The following RAPGEF6 variants were observed in gnomAD, a reference collection of about 807,000 sequenced individuals.
RAPGEF6 encodes PDZ domain containing guanine nucleotide exchange factor (GEF) 2.
Under a neutral mutation model 171.4 loss-of-function variants are expected in RAPGEF6, and 56 were observed. The ratio of observed to expected loss-of-function variants is 0.33; its 90% CI spans 0.26 to 0.41. The LOEUF (loss-of-function observed/expected upper bound fraction) is 0.41, where lower values mean the gene tolerates loss of function less well. RAPGEF6 is among the 10% of genes least tolerant of loss of function. The pLI is 1.00. For synonymous variants in RAPGEF6, 692 were observed against 650.1 expected, an observed-to-expected ratio of 1.06 and a Z score of -0.98; for missense variants, 1,674 against 1,921.4, an observed-to-expected ratio of 0.87 and a Z score of 2.41.
At chr5:131,440,737 CAAAAAA>C (rs1168441695) in intron 23 of RAPGEF6, among the ~76,000 whole-genome samples, 3 of 66,858 alleles carry the variant, frequency 4.5e-5, no homozygotes, top group Non-Finnish European at 6.2e-5. Flanking sequence ...GACTCTGTCT[CAAAAAA>C]AAAAAAAAAA....
chr5:131,474,690 AG>A (rs1433913056), intron 16 of RAPGEF6, among the ~76,000 whole-genome samples: 1 of 152,202 alleles, frequency 6.6e-6, no homozygotes, highest in African/African-American at 2.4e-5. Flanking sequence ...GTATTCCTAA[AG>A]GTTAGAGTTA....
Position 131,623,477 on chromosome 5 carries a change from C to CATTTTTTTT in RAPGEF6, c.69+11484_69+11485insAAAAAAAAT, listed in dbSNP as rs1554088737. On this transcript the variant is annotated intron_variant, in intron 1 of 27. Transcript: ENST00000509018. Reference sequence around the variant, plus strand: ...TAAAGGAACAGTATTTTTCACATTGCTTTTTTTTTTTTTTTTTTTTTGTGA... The same window carrying CATTTTTTTT: ...TAAAGGAACAGTATTTTTCACATTGCATTTTTTTTTTTTTTTTTTTTTTTTTTTTTGTGA... Among the ~76,000 whole-genome samples the CATTTTTTTT allele has an allele frequency of 7.6e-4, 87 of 114,136 alleles. 1 individual carries two copies. The highest frequency in any genetic ancestry group is 2.2e-3 in the African/African-American group (66 of 29,642). 74.9% of individuals were successfully genotyped at this position (114,136 alleles called of 152,430 possible). A position where few individuals can be genotyped will look rare whatever the true frequency, so the allele number is the denominator to read the frequency against.
At position 131,495,673 on chromosome 5, in the gene RAPGEF6, A is replaced by C. The variant is rs1267386903; in HGVS notation, c.1420-13T>G. On this transcript the variant is annotated splice_polypyrimidine_tract_variant and intron_variant, in intron 12 of 27. Transcript: ENST00000509018. The stretch of plus-strand genomic sequence containing the variant: ...CAATCCGTGTCACCTGTGGAAACAT[A>C]AAAGAGGCAGCATATGGTTATAAGA... 6.2e-7 allele frequency: 1 copy of C among 1,606,060 alleles called. No homozygotes were observed. Among genetic ancestry groups the C allele is most frequent in the South Asian group, 1.1e-5 (1 of 89,952 alleles).
At chr5:131,629,271 G>T (rs550128822) in intron 1 of RAPGEF6, among the ~76,000 whole-genome samples, 1 of 152,064 alleles carries the variant, frequency 6.6e-6, no homozygotes, top group African/African-American at 2.4e-5. Flanking sequence ...CTTGAGCCTA[G>T]GAGTTCAAGA....
intron 6 of RAPGEF6, among the ~76,000 whole-genome samples, chr5:131,542,804 A>T (rs1198350288): frequency 6.6e-6 from 1 of 152,210 alleles, no homozygotes; most frequent in African/African-American, 2.4e-5. Context: ...TATACAAGAG[A>T]TGTACATAAA....
rs1431670992 is a variant in RAPGEF6, at chr5:131,505,244, A to G, written c.1101+120T>C. ...ATACAAAATCTACTTTCCTTTATTA[A>G]CTGTGAGCTATTGAAACTCCTAATT... is the stretch of plus-strand genomic sequence containing the variant. On this transcript the variant is annotated intron_variant, in intron 10 of 27. Coordinates refer to ENST00000509018, the MANE Select transcript of RAPGEF6 (RefSeq NM_016340.6). The G allele has an allele frequency of 3.2e-6, 3 of 952,314 alleles. No individual in the cohort carries two copies. The African/African-American group carries it at 5.0e-5, about 16-fold the overall frequency. 59.0% of individuals were successfully genotyped at this position (952,314 alleles called of 1,614,324 possible).
intron 6 of RAPGEF6, chr5:131,532,927 C>T (rs1759494496): frequency 6.6e-6 from 1 of 152,568 alleles, no homozygotes; most frequent in Admixed American, 6.5e-5. Context: ...TAAAGCAAGA[C>T]TGAATGTTAG....
chr5:131,508,353 G>A lies in RAPGEF6; in HGVS notation c.806-146C>T, dbSNP rs9784615. 4.8e-3 allele frequency: 3,858 copies of A among 798,914 alleles called. 124 individuals are homozygous for A. The African/African-American group carries it at 0.063, about 13-fold the overall frequency. 49.5% of individuals were successfully genotyped at this position (798,914 alleles called of 1,614,324 possible). ...AGAGAAACTAAGGTACTATTTGACCGTTGATTTTTAAAATCAATTATTTGA... is the reference window on the plus strand; with the variant it reads ...AGAGAAACTAAGGTACTATTTGACCATTGATTTTTAAAATCAATTATTTGA... On this transcript the variant is annotated intron_variant, in intron 8 of 27. Transcript: ENST00000509018.
intron 3 of RAPGEF6, among the ~76,000 whole-genome samples, chr5:131,594,443 T>C (rs990732822): frequency 1.3e-5 from 2 of 152,204 alleles, no homozygotes; most frequent in Non-Finnish European, 2.9e-5. Context: ...AGAAGTGTGC[T>C]GTAGAGGCAG....
Position 131,461,936 on chromosome 5 carries a change from T to C in RAPGEF6, c.2633A>G (p.Asn878Ser), listed in dbSNP as rs1753960291. The C allele has an allele frequency of 6.2e-7, 1 of 1,614,120 alleles. No homozygotes were observed. Among genetic ancestry groups the C allele is most frequent in the Non-Finnish European group, 8.5e-7 (1 of 1,179,980 alleles). Residue 878 changes from asparagine to serine, a missense_variant, in exon 19 of 28, where the codon AAT (asparagine) becomes AGT (serine). Physicochemically the swap from Asn to Ser is conservative, Grantham distance 46. Transcript: ENST00000509018. ...LSMRDFDLFR[N>S]IEPTEYIDDL... The stretch of plus-strand genomic sequence containing the variant: ...ATCGATGTACTCAGTCGGTTCAATA[T>C]TACGAAACAAATCAAAGTCCCTCAT...
chr5:131,490,692 G>C (rs1480539203), intron 14 of RAPGEF6, among the ~76,000 whole-genome samples: 1 of 152,118 alleles, frequency 6.6e-6, no homozygotes, highest in South Asian at 2.1e-4. Context: ...ACGCTCTATT[G>C]AACACAAGTA....
intron 1 of RAPGEF6, among the ~76,000 whole-genome samples, chr5:131,621,492 G>T (rs1765590205): frequency 1.3e-5 from 2 of 151,958 alleles, no homozygotes; most frequent in African/African-American, 2.4e-5. Flanking sequence ...ATGTTGCCCA[G>T]GCTGGTCTCA....
chr5:131,561,418 G>A (rs1019293496), intron 5 of RAPGEF6, among the ~76,000 whole-genome samples: 18 of 152,058 alleles, frequency 1.2e-4, no homozygotes, highest in Non-Finnish European at 2.2e-4. Context: ...AGCACTTTGG[G>A]AGGCCAAGGC....
intron 17 of RAPGEF6, chr5:131,469,694 T>C (rs1053573337): frequency 1.3e-6 from 1 of 790,688 alleles, no homozygotes; most frequent in South Asian, 2.5e-5. Context: ...GAAAGAAAAG[T>C]TGTGCTTACT....
At chr5:131,437,083 T>C (rs1465186492) in intron 24 of RAPGEF6, among the ~76,000 whole-genome samples, 1 of 152,186 alleles carries the variant, frequency 6.6e-6, no homozygotes, top group Non-Finnish European at 1.5e-5. Flanking sequence ...CAATCATAGG[T>C]TACTGGCAAA....
chr5:131,567,197 G>T (rs1303050573), intron 4 of RAPGEF6, among the ~76,000 whole-genome samples: 1 of 150,152 alleles, frequency 6.7e-6, no homozygotes, highest in Non-Finnish European at 1.5e-5. Context: ...TTTTTTTCAT[G>T]GTCAGTCTAA....
chr5:131,516,720 G>C (rs1395896084), intron 7 of RAPGEF6, among the ~76,000 whole-genome samples: 1 of 152,164 alleles, frequency 6.6e-6, no homozygotes, highest in Non-Finnish European at 1.5e-5. Context: ...TTATTCTCTT[G>C]AATACTCTTT....
intron 4 of RAPGEF6, among the ~76,000 whole-genome samples, chr5:131,589,760 T>C (rs1763479111): frequency 6.6e-6 from 1 of 152,202 alleles, no homozygotes; most frequent in East Asian, 1.9e-4. Flanking sequence ...TCCTCTGCAA[T>C]TGGAGGGCTT....
At chr5:131,453,693 C>T (rs1753272125) in intron 20 of RAPGEF6, among the ~76,000 whole-genome samples, 1 of 152,182 alleles carries the variant, frequency 6.6e-6, no homozygotes, top group Non-Finnish European at 1.5e-5. Context: ...AGCATGACCC[C>T]ATTTATCCCC....
Sources: allele counts gnomAD v4.1 joint callset (sites outside exome capture counted in the v4.1 genomes callset), GRCh38; gene constraint gnomAD v4.1.1; transcripts MANE v1.5; gene names NCBI Gene and HGNC (gene_info 2026-07-23, HGNC 2026-07-21).